ADAM32: variants seen among roughly 807,000 people sequenced by gnomAD.
The protein encoded by ADAM32 is disintegrin and metalloproteinase domain-containing protein 32.
A neutral mutation model predicts 114.9 loss-of-function variants in ADAM32; 89 were observed. That is an observed-to-expected ratio of 0.77 (90% CI 0.65 to 0.92). The LOEUF is 0.92. Ranked by LOEUF, ADAM32 falls within the 40% of genes least tolerant of loss-of-function variation. The pLI is 0.00. For missense variants in ADAM32, 870 were observed against 932.8 expected, an observed-to-expected ratio of 0.93 and a Z score of 0.88; for synonymous variants, 285 against 307.5, an observed-to-expected ratio of 0.93 and a Z score of 0.77.
At chr8:39,137,971 C>A (rs910449784) in intron 3 of ADAM32, among the ~76,000 whole-genome samples, 1 of 152,026 alleles carries the variant, frequency 6.6e-6, no homozygotes, top group African/African-American at 2.4e-5. Flanking sequence ...AGACTATAAG[C>A]AGTGTTGAGA....
chr8:39,194,002 C>T (rs7011290), intron 11 of ADAM32, among the ~76,000 whole-genome samples: 36,523 of 152,050 alleles, frequency 0.24, 4,890 homozygotes, highest in Non-Finnish European at 0.29. Context: ...GCGGTGGCGG[C>T]ACAGTGGGGT....
chr8:39,171,562 A>G (rs1479482465), intron 10 of ADAM32, among the ~76,000 whole-genome samples: 3 of 152,088 alleles, frequency 2.0e-5, no homozygotes, highest in Non-Finnish European at 2.9e-5. Context: ...ATGAATGCAC[A>G]TGGTAAATTG....
At chr8:39,226,898 C>T (rs1424945990) in intron 14 of ADAM32, among the ~76,000 whole-genome samples, 2 of 152,076 alleles carry the variant, frequency 1.3e-5, no homozygotes, top group Admixed American at 6.6e-5. Flanking sequence ...CGATGTGTCT[C>T]TAGTATAAAG....
At chr8:39,238,476 A>G (rs1210663924) in intron 16 of ADAM32, among the ~76,000 whole-genome samples, 1 of 152,200 alleles carries the variant, frequency 6.6e-6, no homozygotes. Flanking sequence ...TACCCAAATG[A>G]GAAGGAACCA....
chr8:39,123,472 A>G (rs1478560735), intron 2 of ADAM32, among the ~76,000 whole-genome samples: 1 of 152,160 alleles, frequency 6.6e-6, no homozygotes, highest in Admixed American at 6.5e-5. Flanking sequence ...GCACAATTCA[A>G]TCCATAACAT....
chr8:39,167,997 G>T (rs921908573), intron 9 of ADAM32: 2 of 152,082 alleles, frequency 1.3e-5, no homozygotes, highest in African/African-American at 4.8e-5. Flanking sequence ...GTGACAGTTT[G>T]ACTTCCTCTT....
chr8:39,281,414 G>T (rs1813411674), intron 23 of ADAM32, among the ~76,000 whole-genome samples: 1 of 152,112 alleles, frequency 6.6e-6, no homozygotes, highest in Non-Finnish European at 1.5e-5. Context: ...TAAGAAATAA[G>T]CTAGTGAAAT....
chr8:39,246,178 CAT>C lies in ADAM32; in HGVS notation c.1902+13_1902+14del, dbSNP rs765719544. On this transcript the variant is annotated intron_variant, in intron 17 of 24. Transcript: ENST00000379907. ...GTTCTGGACATGGAGTAAGTAACCA[CAT>C]GTTTCCCTGAATCACATTTCTTGGA... The C allele has an allele frequency of 2.2e-5, 35 of 1,603,482 alleles. No homozygotes were observed. In the East Asian group the frequency reaches 2.2e-4, roughly 10 times the overall value.
intron 19 of ADAM32, among the ~76,000 whole-genome samples, chr8:39,258,974 G>A (rs867556082): frequency 2.0e-5 from 3 of 151,902 alleles, no homozygotes; most frequent in East Asian, 3.9e-4. Flanking sequence ...TAAAAATGAC[G>A]TTTACCTGGT....
chr8:39,211,203 T>C lies in ADAM32; in HGVS notation c.1112T>C (p.Ile371Thr), dbSNP rs1808187762. The change falls in exon 12 of 25, where the codon ATT becomes ACT. Residue 371 changes from isoleucine (I) to threonine (T), a missense_variant. Ile to Thr is a moderately conservative substitution (Grantham distance 89, BLOSUM62 -1). Coordinates refer to ENST00000379907, the MANE Select transcript of ADAM32 (RefSeq NM_145004.7). ...AGTTTGAGGAGCTTTCAAAATTTCATTTCAAATGTGGGTGTCAAATGTCTT... is the reference window on the plus strand; with the variant it reads ...AGTTTGAGGAGCTTTCAAAATTTCACTTCAAATGTGGGTGTCAAATGTCTT... ...SCSLRSFQNF[I>T]SNVGVKCLQN... 6.2e-7 allele frequency: 1 copy of C among 1,606,738 alleles called. No homozygotes were observed.
At chr8:39,247,249 G>T (rs1193403006) in intron 17 of ADAM32, among the ~76,000 whole-genome samples, 1 of 152,140 alleles carries the variant, frequency 6.6e-6, no homozygotes, top group Non-Finnish European at 1.5e-5. Context: ...TATCGTAAGA[G>T]TATGCTTAGT....
chr8:39,203,209 T>G (rs973491684), intron 11 of ADAM32, among the ~76,000 whole-genome samples: 2 of 152,204 alleles, frequency 1.3e-5, no homozygotes, highest in Non-Finnish European at 2.9e-5. Context: ...GTCTCATTGA[T>G]CTGTCTAATG....
At chr8:39,195,045 G>T (rs1806873397) in intron 11 of ADAM32, among the ~76,000 whole-genome samples, 1 of 152,182 alleles carries the variant, frequency 6.6e-6, no homozygotes, top group Non-Finnish European at 1.5e-5. Context: ...CCTTTCCCCA[G>T]GAGTGTTTTG....
chr8:39,251,000 G>A (rs1361787786), intron 17 of ADAM32, among the ~76,000 whole-genome samples: 1 of 151,832 alleles, frequency 6.6e-6, no homozygotes, highest in Admixed American at 6.6e-5. Context: ...TATGAGTGAT[G>A]GGATTTCATT....
At chr8:39,274,419 T>G in intron 21 of ADAM32, 69 bp downstream of exon 21, 1 of 1,510,942 alleles carries the variant, frequency 6.6e-7, no homozygotes, top group Non-Finnish European at 9.1e-7. Context: ...ATTCACAATT[T>G]ATTTCTAAAT....
intron 15 of ADAM32, among the ~76,000 whole-genome samples, chr8:39,233,152 A>G (rs1427706040): frequency 1.3e-5 from 2 of 152,204 alleles, no homozygotes; most frequent in African/African-American, 2.4e-5. Flanking sequence ...AAATCCATAC[A>G]GTAAAGTGAA....
At chr8:39,188,367 ATCTATCTG>A (rs889209979) in intron 11 of ADAM32, among the ~76,000 whole-genome samples, 10 of 62,274 alleles carry the variant, frequency 1.6e-4, no homozygotes, top group South Asian at 2.4e-3. Context: ...GAATCTGTCT[ATCTATCTG>A]TCTGTCTGTC....
intron 12 of ADAM32, among the ~76,000 whole-genome samples, chr8:39,211,845 C>T (rs1198979324): frequency 6.6e-6 from 1 of 152,110 alleles, no homozygotes; most frequent in Non-Finnish European, 1.5e-5. Flanking sequence ...AGCAGTACTG[C>T]AAATGTTATA....
At chr8:39,109,347 A>T (rs994296753) in intron 1 of ADAM32, among the ~76,000 whole-genome samples, 3 of 152,016 alleles carry the variant, frequency 2.0e-5, no homozygotes, top group African/African-American at 7.3e-5. Context: ...GGAGTTTGAA[A>T]TCAGCCTGGC....
Sources: gnomAD v4.1 joint callset for allele counts (sites outside exome capture counted in the v4.1 genomes callset) on GRCh38, gnomAD v4.1.1 for gene constraint, MANE v1.5 for transcripts, NCBI Gene and HGNC (gene_info 2026-07-23, HGNC 2026-07-21) for gene names.